The following ENTPD5 variants were observed in gnomAD, a reference collection of about 807,000 sequenced individuals.
ENTPD5 encodes nucleoside diphosphate phosphatase ENTPD5.
ENTPD5 carries 49 observed loss-of-function variants against 60.2 expected under a neutral mutation model. That is an observed-to-expected ratio of 0.81 (90% CI 0.65 to 1.03). The LOEUF is 1.03. Ranked by LOEUF, ENTPD5 falls within the 50% of genes least tolerant of loss-of-function variation. The pLI is 0.00. For missense variants in ENTPD5, 480 were observed against 507.6 expected (o/e 0.95, Z 0.52); for synonymous variants, 187 against 185.4 (o/e 1.01, Z -0.07).
At chr14:73,959,219 C>T (rs140822482), downstream of ENTPD5, 11 of 1,614,130 alleles carry the variant, frequency 6.8e-6, no homozygotes, top group African/African-American at 9.3e-5. Context: ...TATTGCTCTG[C>T]TCCCGGTAAG....
rs2056907634 is a variant in ENTPD5 at position 73,964,828 on chromosome 14, G to A, written c.*2100C>T. 6.6e-6 allele frequency: 1 copy of A among 152,168 alleles called. No homozygotes were observed. Among genetic ancestry groups the A allele is most frequent in the Non-Finnish European group, 1.5e-5 (1 of 68,018 alleles). The allele number at this position is 152,168 out of a possible 1,614,324, so 9.4% of individuals were successfully genotyped here. A position where few individuals can be genotyped will look rare whatever the true frequency, so the allele number is the denominator to read the frequency against. On this transcript the variant is annotated 3_prime_UTR_variant, in exon 16 of 16. Transcript: ENST00000334696. ...ATTAGAGCAGAACTAAGACCACTTA[G>A]AAGATAGGTAGATTTCAGCTCAATA... is the stretch of plus-strand genomic sequence containing the variant.
intron 2 of ENTPD5, among the ~76,000 whole-genome samples, chr14:74,013,488 T>A (rs1425438064): frequency 6.6e-6 from 1 of 151,374 alleles, no homozygotes; most frequent in African/African-American, 2.5e-5. Context: ...TATGAGATCT[T>A]TTTTTGTGAT....
At chr14:73,958,125 T>C (rs200609628), downstream of ENTPD5, 37 of 1,607,448 alleles carry the variant, frequency 2.3e-5, no homozygotes, top group East Asian at 1.8e-4. Context: ...TAATTTTTTT[T>C]CCTCTCTTTT....
downstream of ENTPD5, chr14:73,955,597 T>C (rs772795219): frequency 1.4e-6 from 2 of 1,402,386 alleles, no homozygotes; most frequent in Non-Finnish European, 1.0e-6. Flanking sequence ...TCTGTGAATG[T>C]AGGAGGAATC....
At chr14:73,988,285 G>T in intron 3 of ENTPD5, 113 bp from the exon 4 acceptor site, 1 of 1,017,300 alleles carries the variant, frequency 9.8e-7, no homozygotes, top group Non-Finnish European at 1.4e-6. Flanking sequence ...CTAATAACCT[G>T]TACAACAAGC....
At chr14:73,995,586 A>AATAATG (rs1434542256) in intron 3 of ENTPD5, among the ~76,000 whole-genome samples, 2 of 22,368 alleles carry the variant, frequency 8.9e-5, no homozygotes, top group Non-Finnish European at 1.3e-4. Flanking sequence ...CTCTATCTCA[A>AATAATG]ATAATAATAA....
chr14:73,980,598 G>A (rs1308171830), intron 6 of ENTPD5, among the ~76,000 whole-genome samples: 1 of 151,982 alleles, frequency 6.6e-6, no homozygotes, highest in Non-Finnish European at 1.5e-5. Context: ...GTCTTGCTTT[G>A]TTGTCTGGAC....
intron 3 of ENTPD5, chr14:74,003,337 T>C (rs984680798): frequency 1.6e-5 from 8 of 494,174 alleles, no homozygotes; most frequent in Admixed American, 5.1e-5. Flanking sequence ...AAACTGACAA[T>C]AGAAATGGGC....
chr14:73,979,472 C>CTT lies in ENTPD5; in HGVS notation c.442-2100_442-2099dup, dbSNP rs535777164. 1.2e-3 allele frequency among the ~76,000 whole-genome samples: 161 copies of CTT among 137,662 alleles called. 1 individual carries two copies. Among genetic ancestry groups the CTT allele is most frequent in the South Asian group, 1.6e-3 (7 of 4,384 alleles). 90.3% of individuals were successfully genotyped at this position (137,662 alleles called of 152,430 possible). A position where few individuals can be genotyped will look rare whatever the true frequency, so the allele number is the denominator to read the frequency against. ...ACCAGTACCCAGTACATAGTAAGCA[C>CTT]TTTTTTTTTTTTTTTTTGAGACAGA... On this transcript the variant is annotated intron_variant, in intron 6 of 15. Coordinates refer to ENST00000334696, the MANE Select transcript of ENTPD5 (RefSeq NM_001249.5).
Position 73,966,617 on chromosome 14 carries a change from T to A in ENTPD5, c.*311A>T. On this transcript the variant is annotated 3_prime_UTR_variant, in exon 16 of 16. Coordinates refer to ENST00000334696, the MANE Select transcript of ENTPD5 (RefSeq NM_001249.5). Reference sequence around the variant, plus strand: ...TTAAGAGGAAAATTTAAATATTCAGTGGAATGAGGCACTCAAAGGGTTGAA... The same window carrying A: ...TTAAGAGGAAAATTTAAATATTCAGAGGAATGAGGCACTCAAAGGGTTGAA... 1 of 265,702 alleles carries A rather than the reference T, an allele frequency of 3.8e-6. No individual in the cohort carries two copies. The highest frequency in any genetic ancestry group is 7.2e-6 in the Non-Finnish European group (1 of 139,760). The allele number at this position is 265,702 out of a possible 1,614,324, so 16.5% of individuals were successfully genotyped here.
At chr14:73,980,690 C>G (rs8012388) in intron 6 of ENTPD5, among the ~76,000 whole-genome samples, 5 of 152,074 alleles carry the variant, frequency 3.3e-5, no homozygotes, top group Non-Finnish European at 7.4e-5. Context: ...GCCACTGCAC[C>G]GAGCCTGATT....
downstream of ENTPD5, chr14:73,961,718 T>C: frequency 1.2e-6 from 2 of 1,614,130 alleles, no homozygotes; most frequent in Non-Finnish European, 1.7e-6. Flanking sequence ...AGGGATTTAA[T>C]CTTTCCTCTG....
At chr14:73,973,568 A>C (rs2057319244) in intron 12 of ENTPD5, among the ~76,000 whole-genome samples, 1 of 152,174 alleles carries the variant, frequency 6.6e-6, no homozygotes, top group Non-Finnish European at 1.5e-5. Context: ...TGCGCACTAT[A>C]GCCTTGAACT....
downstream of ENTPD5, chr14:73,955,778 A>C: frequency 6.2e-7 from 1 of 1,614,136 alleles, no homozygotes; most frequent in Non-Finnish European, 8.5e-7. Context: ...CTTGGTTTTA[A>C]TGCAGACTTT....
intron 5 of ENTPD5, among the ~76,000 whole-genome samples, chr14:73,985,236 T>C (rs1019284297): frequency 6.6e-6 from 1 of 152,236 alleles, no homozygotes; most frequent in Non-Finnish European, 1.5e-5. Context: ...GCATGATTTA[T>C]AATCCTTTGG....
At chr14:73,983,286 G>A (rs935195203) in intron 5 of ENTPD5, 125 bp from the exon 6 acceptor site, 4 of 973,286 alleles carry the variant, frequency 4.1e-6, no homozygotes, top group Non-Finnish European at 5.9e-6. Flanking sequence ...ACCTCTCTCT[G>A]CTCTGTAGCA....
At chr14:73,969,922 A>G (rs2057148461) in intron 15 of ENTPD5, 88 bp downstream of exon 15, 2 of 918,594 alleles carry the variant, frequency 2.2e-6, no homozygotes, top group East Asian at 4.9e-5. Context: ...TTTCACTTCT[A>G]GCTACTCTGA....
intron 14 of ENTPD5, among the ~76,000 whole-genome samples, chr14:73,970,484 T>C (rs561375207): frequency 1.3e-5 from 2 of 151,760 alleles, no homozygotes; most frequent in East Asian, 1.9e-4. Context: ...AGAGCAAGAC[T>C]CTGTCTCAAA....
chr14:73,961,845 C>T (rs148444170), downstream of ENTPD5: 19 of 1,614,204 alleles, frequency 1.2e-5, no homozygotes, highest in African/African-American at 5.3e-5. Context: ...AGTGCCTCCC[C>T]GCTTGTGTTG....
Sources: gnomAD v4.1 joint callset for allele counts (sites outside exome capture counted in the v4.1 genomes callset) on GRCh38, gnomAD v4.1.1 for gene constraint, MANE v1.5 for transcripts, NCBI Gene and HGNC (gene_info 2026-07-23, HGNC 2026-07-21) for gene names.